GOT2: variants seen among roughly 807,000 people sequenced by gnomAD.
GOT2 encodes the protein glutamic-oxaloacetic transaminase 2, also known as aspartate aminotransferase, mitochondrial.
In GOT2, 17 loss-of-function variants were observed where a neutral mutation model predicts 50.0. That is an observed-to-expected ratio of 0.34 (90% CI 0.23 to 0.51). GOT2 has a LOEUF of 0.51. GOT2 is among the 20% of genes least tolerant of loss of function. GOT2 has a pLI of 0.97. For missense variants in GOT2, 430 were observed against 559.6 expected (o/e 0.77, Z 2.34); for synonymous variants, 172 against 204.9 (o/e 0.84, Z 1.37).
chr16:58,714,805 A>G (rs999006588), intron 8 of GOT2, among the ~76,000 whole-genome samples: 1 of 152,120 alleles, frequency 6.6e-6, no homozygotes, highest in African/African-American at 2.4e-5. Context: ...ATATACACAT[A>G]TAAGTATATA....
At chr16:58,710,383 C>T (rs982083672) in intron 8 of GOT2, among the ~76,000 whole-genome samples, 6 of 151,154 alleles carry the variant, frequency 4.0e-5, no homozygotes, top group African/African-American at 1.5e-4. Flanking sequence ...CCATGCCTTG[C>T]TAATTTTCTT....
intron 1 of GOT2, among the ~76,000 whole-genome samples, chr16:58,726,174 A>G (rs900796202): frequency 3.3e-5 from 5 of 152,152 alleles, no homozygotes; most frequent in African/African-American, 7.2e-5. Flanking sequence ...GACAAAACTT[A>G]GTGAATTTTG....
intron 3 of GOT2, among the ~76,000 whole-genome samples, chr16:58,721,445 C>T (rs550972795): frequency 1.8e-3 from 279 of 152,272 alleles, no homozygotes; most frequent in Middle Eastern, 0.014. Context: ...TGGCTTGTTT[C>T]CTGCTTGCTG....
chr16:58,716,579 CA>C (rs1349070221), intron 7 of GOT2, 83 bp downstream of exon 7: 6 of 1,171,242 alleles, frequency 5.1e-6, no homozygotes, highest in Non-Finnish European at 2.5e-6. Context: ...CACACACACA[CA>C]CACACACACC....
chr16:58,707,836 A>C lies in GOT2; in HGVS notation c.*335T>G. 5.5e-6 allele frequency: 1 copy of C among 181,716 alleles called. No individual in the cohort carries two copies. The highest frequency in any genetic ancestry group is 1.2e-5 in the Non-Finnish European group (1 of 86,264). The allele number at this position is 181,716 out of a possible 1,614,324, so 11.3% of individuals were successfully genotyped here. On this transcript the variant is annotated 3_prime_UTR_variant, in exon 10 of 10. Coordinates refer to ENST00000245206, the MANE Select transcript of GOT2 (RefSeq NM_002080.4). ...TGCTGTTTCTCACGAGGAACCTGAC[A>C]CTTCAGTTAAAGCTTCTGAAATATT...
intron 1 of GOT2, among the ~76,000 whole-genome samples, chr16:58,730,831 C>G (rs993313181): frequency 2.6e-5 from 4 of 152,088 alleles, no homozygotes; most frequent in Non-Finnish European, 5.9e-5. Flanking sequence ...GTTCTAGGGG[C>G]AAAACTCATG....
rs944891804 is a variant in GOT2, at chr16:58,707,439, C to G, written c.*732G>C. ...GTACAGTTTCCTACTCTCCACTATTCTTTGCTGAAAAGGGTGAGGGTACAG... is the reference window on the plus strand; with the variant it reads ...GTACAGTTTCCTACTCTCCACTATTGTTTGCTGAAAAGGGTGAGGGTACAG... On this transcript the variant is annotated 3_prime_UTR_variant, in exon 10 of 10. Transcript: ENST00000245206. The G allele has an allele frequency of 6.6e-6, 1 of 152,172 alleles. No individual in the cohort carries two copies. Among genetic ancestry groups the G allele is most frequent in the Non-Finnish European group, 1.5e-5 (1 of 68,038 alleles). 9.4% of individuals were successfully genotyped at this position (152,172 alleles called of 1,614,324 possible).
intron 1 of GOT2, among the ~76,000 whole-genome samples, chr16:58,727,367 G>GC (rs2044795879): frequency 6.8e-6 from 1 of 148,026 alleles, no homozygotes; most frequent in Admixed American, 6.7e-5. Context: ...AATATAAAAG[G>GC]TTTTTTTTTT....
intron 1 of GOT2, among the ~76,000 whole-genome samples, chr16:58,733,691 C>A (rs2044853817): frequency 6.6e-6 from 1 of 152,120 alleles, no homozygotes; most frequent in Non-Finnish European, 1.5e-5. Context: ...AGGGCACACA[C>A]GCGGCAGCCA....
chr16:58,722,080 T>C, intron 3 of GOT2, 70 bp downstream of exon 3: 1 of 1,570,396 alleles, frequency 6.4e-7, no homozygotes, highest in Non-Finnish European at 8.7e-7. Context: ...GCGCCTGGCC[T>C]AAAATTGTTT....
intron 1 of GOT2, among the ~76,000 whole-genome samples, chr16:58,724,881 C>A (rs891268628): frequency 1.3e-5 from 2 of 152,108 alleles, no homozygotes; most frequent in African/African-American, 2.4e-5. Context: ...ATTTCCTTAG[C>A]TTTTACCTAT....
intron 2 of GOT2, 37 bp downstream of exon 2, chr16:58,723,708 AT>A (rs767163531): frequency 6.4e-7 from 1 of 1,554,970 alleles, no homozygotes; most frequent in Non-Finnish European, 8.9e-7. Context: ...TCTTCAGTTT[AT>A]TCATCCCATT....
intron 1 of GOT2, among the ~76,000 whole-genome samples, chr16:58,724,115 G>A (rs1056140485): frequency 6.6e-6 from 1 of 151,978 alleles, no homozygotes; most frequent in East Asian, 1.9e-4. Flanking sequence ...TACCACGTCA[G>A]CTAATTTTTG....
At chr16:58,712,997 G>T (rs1186975046) in intron 8 of GOT2, among the ~76,000 whole-genome samples, 1 of 152,118 alleles carries the variant, frequency 6.6e-6, no homozygotes, top group South Asian at 2.1e-4. Flanking sequence ...TACTTGGGAG[G>T]CTGAAGCAGA....
chr16:58,718,135 T>C (rs892339668), intron 6 of GOT2, 61 bp downstream of exon 6: 21 of 1,163,668 alleles, frequency 1.8e-5, no homozygotes, highest in Non-Finnish European at 9.1e-6. Flanking sequence ...CATTGCCAAA[T>C]TAAGCCTCCA....
intron 4 of GOT2, 92 bp downstream of exon 4, chr16:58,719,104 C>G: frequency 4.4e-6 from 4 of 914,288 alleles, no homozygotes. Context: ...AAGAAGAAAT[C>G]TACTTCTGCA....
Position 58,707,652 on chromosome 16 carries a change from C to G in GOT2, c.*519G>C, listed in dbSNP as rs774486638. On this transcript the variant is annotated 3_prime_UTR_variant, in exon 10 of 10. Coordinates refer to ENST00000245206, the MANE Select transcript of GOT2 (RefSeq NM_002080.4). ...TTTTCTTAAATAAGACAGGAAACTG[C>G]ATTATTTCCCTTGCTGGAGTGGCAG... 9.2e-5 allele frequency: 14 copies of G among 152,178 alleles called. No individual in the cohort carries two copies. The highest frequency in any genetic ancestry group is 9.2e-4 in the Admixed American group (14 of 15,272). The allele number at this position is 152,178 out of a possible 1,614,324, so 9.4% of individuals were successfully genotyped here. A position where few individuals can be genotyped will look rare whatever the true frequency, so the allele number is the denominator to read the frequency against.
At chr16:58,716,303 A>C (rs1423682437) in intron 7 of GOT2, 124 bp from the exon 8 acceptor site, 1 of 969,282 alleles carries the variant, frequency 1.0e-6, no homozygotes, top group Non-Finnish European at 1.5e-6. Context: ...CTTTATTATA[A>C]ATAAAAAGCT....
At chr16:58,722,815 C>G (rs931936364) in intron 2 of GOT2, among the ~76,000 whole-genome samples, 1 of 152,162 alleles carries the variant, frequency 6.6e-6, no homozygotes, top group African/African-American at 2.4e-5. Flanking sequence ...GGTATAGTCT[C>G]TCTTGGTTAC....
Sources: allele counts gnomAD v4.1 joint callset (sites outside exome capture counted in the v4.1 genomes callset), GRCh38; gene constraint gnomAD v4.1.1; transcripts MANE v1.5; gene names NCBI Gene and HGNC (gene_info 2026-07-23, HGNC 2026-07-21).